Variants in HR observed in about 807,000 individuals in gnomAD.
The protein encoded by HR is lysine-specific demethylase hairless.
In HR, 83 loss-of-function variants were observed where a neutral mutation model predicts 128.6. The ratio of observed to expected loss-of-function variants is 0.65; its 90% CI spans 0.54 to 0.77. The LOEUF (loss-of-function observed/expected upper bound fraction) is 0.77. Among genes scored for constraint, HR ranks in the 30% least tolerant of loss-of-function variants. The pLI is 0.00. For missense variants in HR, 1,490 were observed against 1,574.6 expected (o/e 0.95, Z 0.91); for synonymous variants, 681 against 658.2 (o/e 1.03, Z -0.53).
In HR at chr8:22,116,354, C is replaced by T; in HGVS notation, c.3453G>A (p.Gln1151=). The change falls in exon 18 of 19, where the codon CAG becomes CAA. Residue 1151 remains glutamine, a synonymous_variant. Transcript: ENST00000381418. The surrounding 1 kb of genome is among the most constrained non-coding windows in gnomAD (Gnocchi z 4.2). The part of the protein sequence containing the change: ...LSPETSALSA[Q]LCHQGPSLPP... ...GAAGGCTGGGTCCCTGGTGGCAGAG[C>T]TGAGCAGAGAGGGCAGAGGTCTCAG... The T allele has an allele frequency of 6.2e-7, 1 of 1,613,216 alleles. No homozygotes were observed. The highest frequency in any genetic ancestry group is 1.7e-5 in the Admixed American group (1 of 60,006).
Position 22,115,594 on chromosome 8 carries a change from A to G in HR, c.*106T>C. ...GCCCAGAGTGGTGCTTGTGGGGTTG[A>G]CCAGAAATCCCCAAGTCCCCTAGCG... On this transcript the variant is annotated 3_prime_UTR_variant, in exon 19 of 19. Transcript: ENST00000381418. The G allele has an allele frequency of 9.1e-6, 9 of 994,056 alleles. No individual in the cohort carries two copies. Among genetic ancestry groups the G allele is most frequent in the Non-Finnish European group, 1.1e-5 (7 of 631,588 alleles). The allele number at this position is 994,056 out of a possible 1,614,324, so 61.6% of individuals were successfully genotyped here. A position where few individuals can be genotyped will look rare whatever the true frequency, so the allele number is the denominator to read the frequency against.
In HR at chr8:22,114,830, C is replaced by T. The variant is rs1826545186; in HGVS notation, c.*870G>A. The T allele has an allele frequency of 6.6e-6, 1 of 152,392 alleles. No individual in the cohort carries two copies. Among genetic ancestry groups the T allele is most frequent in the Non-Finnish European group, 1.5e-5 (1 of 68,176 alleles). The allele number at this position is 152,392 out of a possible 1,614,324, so 9.4% of individuals were successfully genotyped here. A position where few individuals can be genotyped will look rare whatever the true frequency, so the allele number is the denominator to read the frequency against. ...TCGTGGCTGTGCCCCAGGACTCTGC[C>T]TTGCCTGCTCTTGCACTCAGGAGCA... On this transcript the variant is annotated 3_prime_UTR_variant, in exon 19 of 19. Transcript: ENST00000381418.
chr8:22,128,378 G>C, intron 2 of HR, 181 bp downstream of exon 2: 2 of 788,710 alleles, frequency 2.5e-6, no homozygotes, highest in South Asian at 3.1e-5. Flanking sequence ...TAGAGAGATG[G>C]AGCTGCTCAG....
rs1826658892 is a variant in HR, at chr8:22,118,885, G to T, written c.3213+65C>A. ...CGAGCACATGGGACCGCACACTGGG[G>T]TGGGACTGGACGAGCTTCTAGGGCT... On this transcript the variant is annotated intron_variant, in intron 16 of 18. Coordinates refer to ENST00000381418, the MANE Select transcript of HR (RefSeq NM_005144.5). 6 of 1,387,334 alleles carry T rather than the reference G, an allele frequency of 4.3e-6. No individual in the cohort carries two copies. In the Admixed American group the frequency reaches 8.4e-5, roughly 19 times the overall value. 85.9% of individuals were successfully genotyped at this position (1,387,334 alleles called of 1,614,324 possible).
rs1303856973 is a variant in HR at position 22,118,789 on chromosome 8, C to T, written c.3213+161G>A. The T allele has an allele frequency of 9.3e-6, 6 of 642,002 alleles. No individual in the cohort carries two copies. In the African/African-American group the frequency reaches 1.1e-4, roughly 12 times the overall value. 39.8% of individuals were successfully genotyped at this position (642,002 alleles called of 1,614,324 possible). A position where few individuals can be genotyped will look rare whatever the true frequency, so the allele number is the denominator to read the frequency against. ...AGCCCCACGGCAGAACTCCGGGTCC[C>T]CTCTGCCTTCTCTGCACCTGTCTGT... On this transcript the variant is annotated intron_variant, in intron 16 of 18. Coordinates refer to ENST00000381418, the MANE Select transcript of HR (RefSeq NM_005144.5).
Position 22,115,637 on chromosome 8 carries a change from T to A in HR, c.*63A>T, listed in dbSNP as rs1480901179. 2 of 1,455,074 alleles carry A rather than the reference T, an allele frequency of 1.4e-6. No homozygotes were observed. Among genetic ancestry groups the A allele is most frequent in the Admixed American group, 3.4e-5 (2 of 59,334 alleles). The allele number at this position is 1,455,074 out of a possible 1,614,324, so 90.1% of individuals were successfully genotyped here. ...CCCTAGCGCCATCCCCTGCTGAAGT[T>A]GTGCCTGGGCTGAGCACCTGGTCTA... On this transcript the variant is annotated 3_prime_UTR_variant, in exon 19 of 19. Transcript: ENST00000381418.
chr8:22,120,782 C>G lies in HR; in HGVS notation c.2544G>C (p.Leu848=). 1 of 1,533,498 alleles carries G rather than the reference C, an allele frequency of 6.5e-7. No homozygotes were observed. The highest frequency in any genetic ancestry group is 2.5e-5 in the East Asian group (1 of 40,646). The allele number at this position is 1,533,498 out of a possible 1,614,324, so 95.0% of individuals were successfully genotyped here. A position where few individuals can be genotyped will look rare whatever the true frequency, so the allele number is the denominator to read the frequency against. Residue 848 remains leucine (L), a synonymous_variant, in exon 11 of 19, where the codon CTG becomes CTC. Transcript: ENST00000381418. ...GCCGAGGGCAAGGCTGGGGCTCCTGCAGCCACAGCAAAGCCCCTGGGGGAG... is the reference window on the plus strand; with the variant it reads ...GCCGAGGGCAAGGCTGGGGCTCCTGGAGCCACAGCAAAGCCCCTGGGGGAG... The part of the protein sequence containing the change: ...RLPPPGALLW[L]QEPQPCPRRG...
chr8:22,120,298 G>T, intron 12 of HR, 44 bp downstream of exon 12: 1 of 1,613,480 alleles, frequency 6.2e-7, no homozygotes, highest in Middle Eastern at 1.7e-4. Flanking sequence ...GATCCCTAGG[G>T]CTTGGGCTCC....
Position 22,128,932 on chromosome 8 carries a change from C to A in HR, c.239G>T (p.Gly80Val). Residue 80 changes from glycine (G) to valine (V), a missense_variant, in exon 2 of 19, where the codon GGC becomes GTC. This residue lies in a region of HR where 1,060 missense variants were observed against 1,060.9 expected (regional missense o/e 1.00). Coordinates refer to ENST00000381418, the MANE Select transcript of HR (RefSeq NM_005144.5). ...GACCTTCCTCTCCCCATTCTGGGGG[C>A]CCTCGCCCTCCACAAGTGGGAGCAT... ...KDMLPLVEGE[G>V]PQNGERKVNW... The A allele has an allele frequency of 1.9e-6, 3 of 1,613,486 alleles. No homozygotes were observed. The highest frequency in any genetic ancestry group is 8.5e-7 in the Non-Finnish European group (1 of 1,180,012).
intron 14 of HR, 117 bp downstream of exon 14, chr8:22,119,643 A>G: frequency 7.9e-7 from 1 of 1,264,256 alleles, no homozygotes; most frequent in Non-Finnish European, 1.1e-6. Flanking sequence ...AAAGAAAGAA[A>G]TGGAATCAGA....
chr8:22,118,689 C>A (rs769557836), intron 16 of HR: 12 of 558,998 alleles, frequency 2.1e-5, no homozygotes, highest in Non-Finnish European at 3.9e-5. Context: ...GCACCACGTC[C>A]AGCCTCGGGC....
chr8:22,121,839 C>T (rs1329001436), intron 8 of HR, 145 bp from the exon 9 acceptor site: 16 of 818,486 alleles, frequency 2.0e-5, no homozygotes, highest in Middle Eastern at 2.2e-4. Flanking sequence ...TAGGATATAA[C>T]ATTAGGTGGA....
rs1826555812 is a variant in HR at position 22,115,200 on chromosome 8, C to T, written c.*500G>A. The T allele has an allele frequency of 2.6e-5, 5 of 194,666 alleles. No homozygotes were observed. In the South Asian group the frequency reaches 5.5e-4, roughly 21 times the overall value. The allele number at this position is 194,666 out of a possible 1,614,324, so 12.1% of individuals were successfully genotyped here. On this transcript the variant is annotated 3_prime_UTR_variant, in exon 19 of 19. Coordinates refer to ENST00000381418, the MANE Select transcript of HR (RefSeq NM_005144.5). ...CTCCTGATGCCACCCTCTCCTCACA[C>T]TCCCCAGATCTTTTGGCAGGAGGGC... is the stretch of plus-strand genomic sequence containing the variant.
At chr8:22,126,489 G>A (rs896585282) in intron 3 of HR, among the ~76,000 whole-genome samples, 1 of 152,212 alleles carries the variant, frequency 6.6e-6, no homozygotes, top group Non-Finnish European at 1.5e-5. Flanking sequence ...AGCCATTCCT[G>A]GCGCAGGACA....
Position 22,123,786 on chromosome 8 carries a change from C to T in HR, c.1778G>A (p.Ser593Asn). 1 of 1,603,694 alleles carries T rather than the reference C, an allele frequency of 6.2e-7. No individual in the cohort carries two copies. Residue 593 changes from serine to asparagine, a missense_variant, in exon 6 of 19, where the codon AGC (serine) becomes AAC (asparagine). Coordinates refer to ENST00000381418, the MANE Select transcript of HR (RefSeq NM_005144.5). ...EGQGPAVTED[S>N]PGIPRCCSRC... is the part of the protein sequence containing the mutation. ...GCTGCAGCAGCGTGGAATGCCTGGG[C>T]TGTCCTCTGTCACGGCTGGCCCTTG...
Position 22,121,134 on chromosome 8 carries a change from C to A in HR, c.2298G>T (p.Ala766=), listed in dbSNP as rs145225497. The A allele has an allele frequency of 1.2e-6, 2 of 1,613,924 alleles. No homozygotes were observed. The highest frequency in any genetic ancestry group is 1.6e-4 in the Middle Eastern group (1 of 6,062). Residue 766 remains alanine (A), a synonymous_variant, in exon 10 of 19, where the codon GCG becomes GCT. Transcript: ENST00000381418. ...GCTCATGGCCCAAGCAGAGTTTGACCGCGGTAGAAGCCAGCAGTTCGCAGA... is the reference window on the plus strand; with the variant it reads ...GCTCATGGCCCAAGCAGAGTTTGACAGCGGTAGAAGCCAGCAGTTCGCAGA... ...PSLCELLAST[A]VKLCLGHERI...
rs767572294 is a variant in HR at position 22,116,824 on chromosome 8, C to G, written c.3378+51G>C. On this transcript the variant is annotated intron_variant, in intron 17 of 18. Transcript: ENST00000381418. The surrounding 1 kb of genome is among the most constrained non-coding windows in gnomAD (Gnocchi z 4.2). ...TGGATGCCTGCGGCCTTGATTGGGT[C>G]GCTTCTGCCATCCTGATCTCCCCGC... The G allele has an allele frequency of 1.1e-5, 17 of 1,543,556 alleles. No individual in the cohort carries two copies. In the South Asian group the frequency reaches 2.0e-4, roughly 18 times the overall value.
rs1248955714 is a variant in HR at position 22,120,261 on chromosome 8, G to A, written c.2776+81C>T. On this transcript the variant is annotated intron_variant, in intron 12 of 18. Transcript: ENST00000381418. ...GCAACACCTGCTTCCAGCCCCTCGG[G>A]GTCACCCTGGGACTCCTCTGCCACC... 2.5e-6 allele frequency: 4 copies of A among 1,609,888 alleles called. No individual in the cohort carries two copies. The African/African-American group carries it at 5.3e-5, about 22-fold the overall frequency.
intron 13 of HR, 26 bp downstream of exon 13, chr8:22,120,078 G>C: frequency 6.4e-7 from 1 of 1,574,786 alleles, no homozygotes; most frequent in Non-Finnish European, 8.6e-7. Flanking sequence ...CGGGGAGGTA[G>C]GGCTGGCCCT....
Sources: allele counts gnomAD v4.1 joint callset (sites outside exome capture counted in the v4.1 genomes callset), GRCh38; gene constraint gnomAD v4.1.1; regional missense constraint gnomAD v4.1.1; non-coding constraint Gnocchi (gnomAD v3.1); transcripts MANE v1.5; gene names NCBI Gene and HGNC (gene_info 2026-07-23, HGNC 2026-07-21).